The following PIH1D2 variants were observed in gnomAD, a reference collection of about 807,000 sequenced individuals.
PIH1D2 encodes PIH1 domain containing 2.
Under a neutral mutation model 31.2 loss-of-function variants are expected in PIH1D2, and 25 were observed. The observed-to-expected ratio is 0.80, with a 90% CI of 0.58 to 1.12. The LOEUF (loss-of-function observed/expected upper bound fraction) is 1.12, where lower values mean the gene tolerates loss of function less well. Ranked by LOEUF, PIH1D2 falls within the 50% of genes most tolerant of loss-of-function variation. PIH1D2 has a pLI of 0.00. For missense variants in PIH1D2, 310 were observed against 356.6 expected, an observed-to-expected ratio of 0.87 and a Z score of 1.05; for synonymous variants, 116 against 119.9, an observed-to-expected ratio of 0.97 and a Z score of 0.21.
chr11:112,060,166 T>C, downstream of PIH1D2: 2 of 1,134,216 alleles, frequency 1.8e-6, no homozygotes, highest in Non-Finnish European at 2.5e-6. Context: ...TAATTTTTTT[T>C]TTTTTTTTTT....
At chr11:112,066,744 CCTGGCAGA>C, downstream of PIH1D2, among the ~76,000 whole-genome samples, 1 of 152,166 alleles carries the variant, frequency 6.6e-6, no homozygotes, top group East Asian at 1.9e-4. Flanking sequence ...AGCTGGGTCT[CCTGGCAGA>C]GTTGTTTAAC....
In PIH1D2 at chr11:112,071,694, G is replaced by A; in HGVS notation, c.242C>T (p.Ser81Leu). The A allele has an allele frequency of 1.2e-6, 2 of 1,613,506 alleles. No individual in the cohort carries two copies. The highest frequency in any genetic ancestry group is 8.5e-7 in the Non-Finnish European group (1 of 1,179,374). The change falls in exon 3 of 6, where the codon TCA becomes TTA. Residue 81 changes from serine to leucine, a missense_variant. Coordinates refer to ENST00000280350, the MANE Select transcript of PIH1D2 (RefSeq NM_138789.4). The part of the protein sequence containing the change: ...CQWTRIPAPQ[S>L]TTHPVPLTVG... ...AGTTAGAGGTACTGGATGAGTGGTT[G>A]ATTGGGGAGCTGGGATCCTTGTCCA...
chr11:112,071,023 C>T lies in PIH1D2; in HGVS notation c.547+15G>A, dbSNP rs1865092938. On this transcript the variant is annotated intron_variant, in intron 4 of 5. Transcript: ENST00000280350. ...TTAAAGCAGTTTAATTTTCCATTTACAATCATCAACTTACCCCTTCTCATT... is the reference window on the plus strand; with the variant it reads ...TTAAAGCAGTTTAATTTTCCATTTATAATCATCAACTTACCCCTTCTCATT... 5 of 1,604,450 alleles carry T rather than the reference C, an allele frequency of 3.1e-6. No individual in the cohort carries two copies. Among genetic ancestry groups the T allele is most frequent in the African/African-American group, 1.3e-5 (1 of 74,446 alleles).
the PIH1D2 span, among the ~76,000 whole-genome samples, chr11:112,058,079 A>C: frequency 6.6e-6 from 1 of 152,180 alleles, no homozygotes; most frequent in African/African-American, 2.4e-5. Context: ...AGATATTTCT[A>C]TACTTAGATG....
chr11:112,065,448 T>TGA (rs1864886008), downstream of PIH1D2, among the ~76,000 whole-genome samples: 3 of 151,886 alleles, frequency 2.0e-5, no homozygotes, highest in Non-Finnish European at 4.4e-5. Context: ...TGGTTAGGAG[T>TGA]TTTTAGGAAA....
chr11:112,060,026 C>G (rs1051066804), downstream of PIH1D2: 2 of 1,613,806 alleles, frequency 1.2e-6, no homozygotes, highest in Non-Finnish European at 1.7e-6. Flanking sequence ...CTTTAGCAAC[C>G]AAAGCAAGAG....
chr11:112,061,067 A>G, downstream of PIH1D2: 1 of 1,610,278 alleles, frequency 6.2e-7, no homozygotes, highest in Non-Finnish European at 8.5e-7. Context: ...CCAATTTAGG[A>G]ATGTTTGGAA....
chr11:112,064,032 C>T (rs1371670650), downstream of PIH1D2: 13 of 709,756 alleles, frequency 1.8e-5, no homozygotes, highest in African/African-American at 2.0e-4. Flanking sequence ...AGACTTTTAC[C>T]TTGCTGTATT....
intron 4 of PIH1D2, 142 bp from the exon 5 acceptor site, chr11:112,070,843 T>A: frequency 8.1e-7 from 1 of 1,239,462 alleles, no homozygotes; most frequent in Non-Finnish European, 1.1e-6. Context: ...AAAAGAATCT[T>A]AAACCAAAGA....
At position 112,071,754 on chromosome 11, in the gene PIH1D2, G is replaced by C. The variant is rs1555184709; in HGVS notation, c.182C>G (p.Pro61Arg). 1 of 1,613,766 alleles carries C rather than the reference G, an allele frequency of 6.2e-7. No homozygotes were observed. The highest frequency in any genetic ancestry group is 1.1e-5 in the South Asian group (1 of 91,048). ...GTTGATAAAAAGTATTTTTTCTTTTGGTTTCTGGAAAGCAAATAATTTTGC... is the reference window on the plus strand; with the variant it reads ...GTTGATAAAAAGTATTTTTTCTTTTCGTTTCTGGAAAGCAAATAATTTTGC... ...QLCLQTRILK[P>R]KEKILFINLC... The change falls in exon 3 of 6, where the codon CCA (proline) becomes CGA (arginine). Residue 61 changes from proline (P) to arginine (R), a missense_variant. Transcript: ENST00000280350.
chr11:112,059,838 C>T, downstream of PIH1D2: 2 of 1,383,270 alleles, frequency 1.4e-6, no homozygotes, highest in South Asian at 1.4e-5. Context: ...AATATTCTTG[C>T]TTAACCTGGC....
At chr11:112,062,284 A>G, downstream of PIH1D2, 1 of 1,036,436 alleles carries the variant, frequency 9.6e-7, no homozygotes, top group Non-Finnish European at 1.5e-6. Flanking sequence ...AGGAGACTGG[A>G]AGAGTAGATA....
At chr11:112,071,433 A>G in intron 3 of PIH1D2, 150 bp from the exon 4 acceptor site, 8 of 1,282,214 alleles carry the variant, frequency 6.2e-6, no homozygotes, top group Non-Finnish European at 7.5e-6. Context: ...AGCAATTATG[A>G]CATTTCTTGG....
Position 112,068,984 on chromosome 11 carries a change from T to TTG in PIH1D2, c.814-980_814-979insCA, listed in dbSNP as rs1555184201. On this transcript the variant is annotated intron_variant, in intron 5 of 5. Coordinates refer to ENST00000280350, the MANE Select transcript of PIH1D2 (RefSeq NM_138789.4). Reference sequence around the variant, plus strand: ...GTTAAAACCTCTGAATTTTTTTTGTTTTTTTTTTTTTTTGTTTTTTTTTTT... The same window carrying TTG: ...GTTAAAACCTCTGAATTTTTTTTGTTTGTTTTTTTTTTTTTGTTTTTTTTTTT... Among the ~76,000 whole-genome samples, 125 of 136,856 alleles carry TTG rather than the reference T, an allele frequency of 9.1e-4. 1 individual carries two copies. The highest frequency in any genetic ancestry group is 3.6e-3 in the African/African-American group (113 of 31,306). The allele number at this position is 136,856 out of a possible 152,430, so 89.8% of individuals were successfully genotyped here. A position where few individuals can be genotyped will look rare whatever the true frequency, so the allele number is the denominator to read the frequency against.
chr11:112,061,281 T>G (rs1864603550), downstream of PIH1D2: 2 of 1,156,992 alleles, frequency 1.7e-6, no homozygotes, highest in East Asian at 4.7e-5. Context: ...TCAAATATCG[T>G]GATCCACAAT....
At chr11:112,070,125 A>T (rs1555184344) in intron 5 of PIH1D2, 1 of 521,200 alleles carries the variant, frequency 1.9e-6, no homozygotes, top group East Asian at 3.1e-5. Context: ...TGACTGTGAG[A>T]ATACACTTCT....
At chr11:112,053,695 C>T in the PIH1D2 span, among the ~76,000 whole-genome samples, 2 of 152,112 alleles carry the variant, frequency 1.3e-5, no homozygotes, top group Admixed American at 6.5e-5. Context: ...CCTTGTGAGC[C>T]GCCCACCTTG....
Position 112,071,241 on chromosome 11 carries a change from A to G in PIH1D2, c.344T>C (p.Leu115Pro), listed in dbSNP as rs1865100692. The G allele has an allele frequency of 6.2e-7, 1 of 1,613,812 alleles. No homozygotes were observed. Among genetic ancestry groups the G allele is most frequent in the South Asian group, 1.1e-5 (1 of 91,056 alleles). ...VIDVAYNPDVLHAAEKDQVKK... is the reference protein window; with the variant it reads ...VIDVAYNPDVPHAAEKDQVKK... ...CACTTGGTCCTTTTCTGCTGCATGA[A>G]GAACATCAGGATTGTAGGCAACATC... The change falls in exon 4 of 6, where the codon CTT becomes CCT. Residue 115 changes from leucine to proline, a missense_variant. Transcript: ENST00000280350.
chr11:112,066,193 T>C (rs782634690), downstream of PIH1D2, among the ~76,000 whole-genome samples: 1 of 152,182 alleles, frequency 6.6e-6, no homozygotes, highest in Admixed American at 6.5e-5. Flanking sequence ...AAAGTCTGCA[T>C]ATAGCTTACT....
Sources: gnomAD v4.1 joint callset for allele counts (sites outside exome capture counted in the v4.1 genomes callset) on GRCh38, gnomAD v4.1.1 for gene constraint, MANE v1.5 for transcripts, NCBI Gene and HGNC (gene_info 2026-07-23, HGNC 2026-07-21) for gene names.